The following RBFOX1 variants were observed in gnomAD, a reference collection of about 807,000 sequenced individuals.
The protein encoded by RBFOX1 is RNA binding protein fox-1 homolog 1.
A neutral mutation model predicts 57.7 loss-of-function variants in RBFOX1; 8 were observed. The observed-to-expected ratio is 0.14, with a 90% CI of 0.08 to 0.25. RBFOX1 has a LOEUF of 0.25. Ranked by LOEUF, RBFOX1 falls within the 10% of genes least tolerant of loss-of-function variation. RBFOX1 has a pLI of 1.00. For synonymous variants in RBFOX1, 326 were observed against 222.4 expected (o/e 1.47, Z -4.15); for missense variants, 611 against 548.5 (o/e 1.11, Z -1.14).
rs145195140 is a variant in RBFOX1, at chr16:5,927,179, T to C, written c.351+59844T>C. 1.7e-3 allele frequency among the ~76,000 whole-genome samples: 257 copies of C among 152,310 alleles called. 1 individual carries two copies. Among genetic ancestry groups the C allele is most frequent in the Non-Finnish European group, 2.5e-3 (169 of 68,010 alleles). On this transcript the variant is annotated intron_variant, in intron 4 of 19. Coordinates refer to the RBFOX1 transcript ENST00000641259. The stretch of plus-strand genomic sequence containing the variant: ...TATTTTTCTTAAAATCCAATGAAAG[T>C]AAAACAATGTTACTAAATTCTATGC...
intron 2 of RBFOX1, among the ~76,000 whole-genome samples, chr16:6,609,458 C>G (rs750942010): frequency 5.3e-5 from 8 of 152,158 alleles, no homozygotes; most frequent in Non-Finnish European, 1.0e-4. Context: ...ATCCTCCCAC[C>G]TCAGCCTCCC....
intron 4 of RBFOX1, among the ~76,000 whole-genome samples, chr16:7,474,123 C>G (rs901250732): frequency 1.3e-5 from 2 of 152,064 alleles, no homozygotes; most frequent in Non-Finnish European, 2.9e-5. Flanking sequence ...TCTGTCTCTA[C>G]TAAAAATACA....
Position 6,187,219 on chromosome 16 carries a change from C to A in RBFOX1, c.-126-129776C>A, listed in dbSNP as rs578149327. ...CAGGAACCCTTTGGATGACCTGTATCAGGTCATAGAAAGCATTCTGCCTTC... is the reference window on the plus strand; with the variant it reads ...CAGGAACCCTTTGGATGACCTGTATAAGGTCATAGAAAGCATTCTGCCTTC... On this transcript the variant is annotated intron_variant, in intron 1 of 15. Coordinates refer to ENST00000550418, the MANE Select transcript of RBFOX1 (RefSeq NM_018723.4). Among the ~76,000 whole-genome samples the A allele has an allele frequency of 2.0e-5, 3 of 152,166 alleles. No individual in the cohort carries two copies. The East Asian group carries it at 5.8e-4, about 29-fold the overall frequency.
At chr16:6,053,500 A>C (rs2152440585) in intron 1 of RBFOX1, among the ~76,000 whole-genome samples, 1 of 152,352 alleles carries the variant, frequency 6.6e-6, no homozygotes, top group African/African-American at 2.4e-5. Flanking sequence ...AAAATCATTT[A>C]GTTGAATATT....
At chr16:5,599,534 C>T (rs910669661) in exon 3 of RBFOX1, 13 of 359,022 alleles carry the variant, frequency 3.6e-5, no homozygotes, top group African/African-American at 1.4e-4. Context: ...CACCGCCTCT[C>T]GGCAATGCAA....
At chr16:6,981,204 T>G (rs191502032) in intron 3 of RBFOX1, among the ~76,000 whole-genome samples, 4 of 152,138 alleles carry the variant, frequency 2.6e-5, no homozygotes, top group African/African-American at 9.6e-5. Context: ...TGGTACAGAT[T>G]ATTTCATCAC....
At chr16:6,756,345 C>T (rs536617190) in intron 3 of RBFOX1, among the ~76,000 whole-genome samples, 7 of 152,176 alleles carry the variant, frequency 4.6e-5, no homozygotes, top group African/African-American at 1.7e-4. Flanking sequence ...AAGATTGAAA[C>T]CCAATACTAT....
At chr16:6,804,850 C>A (rs562820304) in intron 3 of RBFOX1, among the ~76,000 whole-genome samples, 1 of 152,148 alleles carries the variant, frequency 6.6e-6, no homozygotes, top group African/African-American at 2.4e-5. Context: ...TTATGTCCTC[C>A]ATAGTCAATT....
intron 2 of RBFOX1, among the ~76,000 whole-genome samples, chr16:6,643,816 T>A (rs2098511382): frequency 8.3e-6 from 1 of 120,796 alleles, no homozygotes. Context: ...AAAATCTGAG[T>A]CTTTGTGAAG....
At chr16:7,287,493 G>A (rs1474620648) in intron 4 of RBFOX1, among the ~76,000 whole-genome samples, 2 of 152,300 alleles carry the variant, frequency 1.3e-5, no homozygotes, top group Middle Eastern at 3.4e-3. Flanking sequence ...GACCAAGCCT[G>A]TATTCCCCAC....
intron 3 of RBFOX1, among the ~76,000 whole-genome samples, chr16:6,761,312 CT>C (rs1456628612): frequency 6.6e-6 from 1 of 151,970 alleles, no homozygotes; most frequent in African/African-American, 2.4e-5. Flanking sequence ...TGGTTGAAGC[CT>C]TTTGTCTGAA....
At chr16:6,784,856 A>G (rs942353428) in intron 3 of RBFOX1, among the ~76,000 whole-genome samples, 1 of 152,082 alleles carries the variant, frequency 6.6e-6, no homozygotes, top group Non-Finnish European at 1.5e-5. Flanking sequence ...TAGAAGTTGA[A>G]AGAGTTGTAT....
chr16:7,282,826 A>G (rs778578605), intron 4 of RBFOX1, among the ~76,000 whole-genome samples: 6 of 152,156 alleles, frequency 3.9e-5, no homozygotes, highest in Non-Finnish European at 8.8e-5. Context: ...GTGAGAACAT[A>G]TGATGTTTGG....
intron 4 of RBFOX1, among the ~76,000 whole-genome samples, chr16:7,316,241 A>G (rs1457170270): frequency 6.6e-6 from 1 of 152,234 alleles, no homozygotes; most frequent in Non-Finnish European, 1.5e-5. Flanking sequence ...ACTATATTAC[A>G]TAAGACAACT....
chr16:6,816,601 G>A (rs562156349), intron 3 of RBFOX1, among the ~76,000 whole-genome samples: 6 of 151,666 alleles, frequency 4.0e-5, no homozygotes, highest in Non-Finnish European at 5.9e-5. Flanking sequence ...TTAGCCAGGC[G>A]TGGTGGCGGG....
At position 7,676,916 on chromosome 16, in the gene RBFOX1, C is replaced by G. The variant is rs1294211485; in HGVS notation, c.995+78C>G. 4.7e-5 allele frequency: 66 copies of G among 1,390,070 alleles called. No individual in the cohort carries two copies. In the East Asian group the frequency reaches 1.3e-3, roughly 28 times the overall value. The allele number at this position is 1,390,070 out of a possible 1,614,324, so 86.1% of individuals were successfully genotyped here. On this transcript the variant is annotated intron_variant, in intron 14 of 15. Coordinates refer to ENST00000550418, the MANE Select transcript of RBFOX1 (RefSeq NM_018723.4). ...ATGGGAGAGGAGATTCTTGTATGGT[C>G]TTGGTGAAACTGCATGACTGCTGGG...
chr16:5,989,843 AACACAC>A (rs199624083), intron 4 of RBFOX1, among the ~76,000 whole-genome samples: 1 of 20,718 alleles, frequency 4.8e-5, no homozygotes, highest in Admixed American at 4.8e-4. Flanking sequence ...AACACCCCCT[AACACAC>A]ACACACACAC....
At chr16:6,771,855 C>G (rs2154212929) in intron 3 of RBFOX1, among the ~76,000 whole-genome samples, 1 of 152,270 alleles carries the variant, frequency 6.6e-6, no homozygotes, top group East Asian at 1.9e-4. Context: ...AGATGCATTA[C>G]TGTCAGGCTG....
chr16:5,760,564 CTATT>C (rs1163175009), intron 3 of RBFOX1, among the ~76,000 whole-genome samples: 7 of 152,186 alleles, frequency 4.6e-5, no homozygotes, highest in Admixed American at 3.3e-4. Flanking sequence ...CCACAGAACA[CTATT>C]TAGCCCTAGA....
Sources: gnomAD v4.1 joint callset for allele counts (sites outside exome capture counted in the v4.1 genomes callset) on GRCh38, gnomAD v4.1.1 for gene constraint, MANE v1.5 for transcripts, NCBI Gene and HGNC (gene_info 2026-07-23, HGNC 2026-07-21) for gene names.